SERINC5: variants seen among roughly 807,000 people sequenced by gnomAD.
SERINC5 encodes serine incorporator 5.
SERINC5 carries 41 observed loss-of-function variants against 63.1 expected under a neutral mutation model. The observed-to-expected ratio is 0.65, with a 90% CI of 0.51 to 0.84. SERINC5 has a LOEUF of 0.84. Ranked by LOEUF, SERINC5 falls within the 40% of genes least tolerant of loss-of-function variation. SERINC5 has a pLI of 0.00. For synonymous variants in SERINC5, 222 were observed against 215.2 expected, an observed-to-expected ratio of 1.03 and a Z score of -0.28; for missense variants, 523 against 573.0, an observed-to-expected ratio of 0.91 and a Z score of 0.89.
rs1027351831 is a variant in SERINC5, at chr5:80,127,033, G to A, written c.1239-13408C>T. ...CAATCACAATCACTTCTGTAAGTTA[G>A]GATATACTGACAGCCTATGTGACAG... On this transcript the variant is annotated intron_variant, in intron 11 of 12. Transcript: ENST00000509193. Among the ~76,000 whole-genome samples, 5 of 152,278 alleles carry A rather than the reference G, an allele frequency of 3.3e-5. No individual in the cohort carries two copies. The East Asian group carries it at 9.6e-4, about 29-fold the overall frequency.
rs1465874459 is a variant in SERINC5 at position 80,158,831 on chromosome 5, C to A, written c.986+5G>T. 6.2e-7 allele frequency: 1 copy of A among 1,612,658 alleles called. No individual in the cohort carries two copies. Among genetic ancestry groups the A allele is most frequent in the African/African-American group, 1.3e-5 (1 of 74,898 alleles). On this transcript the variant is annotated splice_donor_5th_base_variant and intron_variant, in intron 8 of 11. Coordinates refer to ENST00000507668, the MANE Select transcript of SERINC5 (RefSeq NM_001174072.3). ...AAGTGACCTTGAGTAACTCCCAAGA[C>A]TTACCATGAATACAAGATACATCCG... is the stretch of plus-strand genomic sequence containing the variant.
chr5:80,159,121 C>T (rs1031927162), intron 7 of SERINC5, among the ~76,000 whole-genome samples, 159 bp from the exon 8 acceptor site: 1 of 152,222 alleles, frequency 6.6e-6, no homozygotes, highest in African/African-American at 2.4e-5. Flanking sequence ...TGTTTCCATG[C>T]AGACTGGATT....
intron 9 of SERINC5, 151 bp downstream of exon 9, chr5:80,150,731 C>T (rs533730468): frequency 3.2e-5 from 21 of 647,748 alleles, no homozygotes; most frequent in Non-Finnish European, 5.2e-5. Context: ...CCACCACACC[C>T]GGCCAGCATT....
intron 5 of SERINC5, among the ~76,000 whole-genome samples, chr5:80,170,933 G>C (rs1747611224): frequency 6.6e-6 from 1 of 152,164 alleles, no homozygotes; most frequent in Admixed American, 6.5e-5. Context: ...CCTGAGCTCG[G>C]GTGGATGAAG....
chr5:80,178,867 A>G (rs1181936563), intron 2 of SERINC5, among the ~76,000 whole-genome samples: 2 of 152,030 alleles, frequency 1.3e-5, no homozygotes, highest in Non-Finnish European at 2.9e-5. Flanking sequence ...ATACATATAT[A>G]CAACACACTC....
At position 80,142,045 on chromosome 5, in the gene SERINC5, G is replaced by T; in HGVS notation, c.*1618C>A. On this transcript the variant is annotated 3_prime_UTR_variant, in exon 12 of 12. Coordinates refer to ENST00000507668, the MANE Select transcript of SERINC5 (RefSeq NM_001174072.3). ...CCCAGCTTAGGTGGCACTCAATTCT[G>T]CCCAACTCATACAGTAGGGCACAGA... 1.0e-6 allele frequency: 1 copy of T among 985,368 alleles called. No individual in the cohort carries two copies. Among genetic ancestry groups the T allele is most frequent in the Non-Finnish European group, 1.2e-6 (1 of 829,926 alleles). The allele number at this position is 985,368 out of a possible 1,614,324, so 61.0% of individuals were successfully genotyped here.
intron 8 of SERINC5, among the ~76,000 whole-genome samples, chr5:80,155,610 G>GAA (rs1554061049): frequency 3.4e-5 from 5 of 149,106 alleles, no homozygotes; most frequent in African/African-American, 1.2e-4. Context: ...GAGAGAGAGA[G>GAA]AAAACCATCA....
At position 80,142,113 on chromosome 5, in the gene SERINC5, T is replaced by C. The variant is rs1046576538; in HGVS notation, c.*1550A>G. ...AGCCTTTTATTCTTAGATCCTCACTTACAGAGAGCTCGAGAAGATTCTTTC... is the reference window on the plus strand; with the variant it reads ...AGCCTTTTATTCTTAGATCCTCACTCACAGAGAGCTCGAGAAGATTCTTTC... On this transcript the variant is annotated 3_prime_UTR_variant, in exon 12 of 12. Transcript: ENST00000507668. The C allele has an allele frequency of 3.0e-6, 3 of 985,428 alleles. No homozygotes were observed. In the African/African-American group the frequency reaches 5.2e-5, roughly 17 times the overall value. 61.0% of individuals were successfully genotyped at this position (985,428 alleles called of 1,614,324 possible).
intron 10 of SERINC5, 84 bp downstream of exon 10, chr5:80,147,161 G>T: frequency 8.0e-7 from 1 of 1,251,806 alleles, no homozygotes; most frequent in Non-Finnish European, 1.1e-6. Flanking sequence ...CAAGTTATTT[G>T]TGTCTGAATC....
At chr5:80,203,730 C>T (rs964857132) in intron 1 of SERINC5, among the ~76,000 whole-genome samples, 4 of 151,824 alleles carry the variant, frequency 2.6e-5, no homozygotes, top group African/African-American at 9.7e-5. Context: ...TCCTGAGTGA[C>T]AGAGGTTAAC....
Position 80,146,140 on chromosome 5 carries a change from C to T in SERINC5, c.1188G>A (p.Val396=), listed in dbSNP as rs1164371428. Residue 396 remains valine, a synonymous_variant, in exon 11 of 12, where the codon GTG becomes GTA. Transcript: ENST00000507668. ...TVYIYSYFHF[V]FFLASLYVMM... ...TCACATACAGGGAAGCTAGGAAGAA[C>T]ACGAAGTGGAAGTAGGAGTAGATGT... The T allele has an allele frequency of 6.2e-7, 1 of 1,614,028 alleles. No homozygotes were observed. The highest frequency in any genetic ancestry group is 8.5e-7 in the Non-Finnish European group (1 of 1,179,876).
Position 80,175,121 on chromosome 5 carries a change from A to T in SERINC5, c.458-74T>A, listed in dbSNP as rs1580114239. ...TGCTCAAAAGAGAATAACCACAGCT[A>T]ATTTTTACTAGATGATCAGTGTACC... is the stretch of plus-strand genomic sequence containing the variant. On this transcript the variant is annotated intron_variant, in intron 4 of 11. Coordinates refer to ENST00000507668, the MANE Select transcript of SERINC5 (RefSeq NM_001174072.3). 3.3e-6 allele frequency: 3 copies of T among 915,622 alleles called. No homozygotes were observed. The African/African-American group carries it at 5.0e-5, about 15-fold the overall frequency. The allele number at this position is 915,622 out of a possible 1,614,324, so 56.7% of individuals were successfully genotyped here.
At chr5:80,253,469 C>G (rs907693582) in intron 1 of SERINC5, among the ~76,000 whole-genome samples, 35 of 152,314 alleles carry the variant, frequency 2.3e-4, no homozygotes, top group African/African-American at 8.4e-4. Context: ...TCCCAATTAT[C>G]TTCTAAGTGC....
chr5:80,223,504 C>A (rs1380690849), intron 1 of SERINC5, among the ~76,000 whole-genome samples: 2 of 152,144 alleles, frequency 1.3e-5, no homozygotes, highest in Non-Finnish European at 2.9e-5. Flanking sequence ...ATACAGAGGG[C>A]TGACTATATA....
At position 80,140,197 on chromosome 5, in the gene SERINC5, T is replaced by C. The variant is rs751427462; in HGVS notation, c.*3466A>G. 26 of 728,006 alleles carry C rather than the reference T, an allele frequency of 3.6e-5. No homozygotes were observed. Among genetic ancestry groups the C allele is most frequent in the Non-Finnish European group, 3.7e-5 (22 of 597,126 alleles). 45.1% of individuals were successfully genotyped at this position (728,006 alleles called of 1,614,324 possible). A position where few individuals can be genotyped will look rare whatever the true frequency, so the allele number is the denominator to read the frequency against. On this transcript the variant is annotated 3_prime_UTR_variant, in exon 12 of 12. Coordinates refer to ENST00000507668, the MANE Select transcript of SERINC5 (RefSeq NM_001174072.3). The stretch of plus-strand genomic sequence containing the variant: ...GGCCAGGTGTGATGGGGCAAACCTG[T>C]GGTCTCAGCTACTTGGGAGGTGGTC...
intron 9 of SERINC5, among the ~76,000 whole-genome samples, chr5:80,147,946 T>C (rs1745926686): frequency 6.6e-6 from 1 of 152,054 alleles, no homozygotes; most frequent in Non-Finnish European, 1.5e-5. Context: ...CAAACTAGCT[T>C]AGTGACAGAG....
intron 1 of SERINC5, among the ~76,000 whole-genome samples, chr5:80,222,294 G>T (rs1175402593): frequency 6.6e-6 from 1 of 152,110 alleles, no homozygotes; most frequent in Non-Finnish European, 1.5e-5. Context: ...CCCCCACTTT[G>T]CAACTGTGGA....
At chr5:80,231,916 C>CA (rs1751456224) in intron 1 of SERINC5, among the ~76,000 whole-genome samples, 1 of 151,726 alleles carries the variant, frequency 6.6e-6, no homozygotes, top group Admixed American at 6.6e-5. Context: ...GCCTGGGCAA[C>CA]ATAGTGAGAT....
chr5:80,113,894 G>C (rs899136904), intron 11 of SERINC5, among the ~76,000 whole-genome samples: 1 of 151,868 alleles, frequency 6.6e-6, no homozygotes, highest in South Asian at 2.1e-4. Flanking sequence ...CTGCCATGCT[G>C]TGTGCCCCCC....
Sources: gnomAD v4.1 joint callset for allele counts (sites outside exome capture counted in the v4.1 genomes callset) on GRCh38, gnomAD v4.1.1 for gene constraint, MANE v1.5 for transcripts, NCBI Gene and HGNC (gene_info 2026-07-23, HGNC 2026-07-21) for gene names.